The following NLRP7 variants were observed in gnomAD, a reference collection of about 807,000 sequenced individuals.
NLRP7 encodes the protein NLR family pyrin domain containing 7, also known as NACHT, LRR and PYD domains-containing protein 7.
Under a neutral mutation model 85.5 loss-of-function variants are expected in NLRP7, and 72 were observed. The ratio of observed to expected loss-of-function variants is 0.84; its 90% CI spans 0.70 to 1.02. The LOEUF (loss-of-function observed/expected upper bound fraction) is 1.02. NLRP7 is among the 50% of genes least tolerant of loss of function. NLRP7 has a pLI of 0.00. For synonymous variants in NLRP7, 550 were observed against 505.2 expected, an observed-to-expected ratio of 1.09 and a Z score of -1.19; for missense variants, 1,243 against 1,219.5, an observed-to-expected ratio of 1.02 and a Z score of -0.29.
intron 8 of NLRP7, among the ~76,000 whole-genome samples, chr19:54,932,399 G>A (rs2068715738): frequency 6.7e-6 from 1 of 149,650 alleles, no homozygotes; most frequent in Admixed American, 6.8e-5. Context: ...CTGCATTCCA[G>A]TCTGGGCGAC....
intron 5 of NLRP7, 104 bp from the exon 6 acceptor site, chr19:54,936,535 T>C (rs2068937090): frequency 2.8e-6 from 3 of 1,056,466 alleles, no homozygotes; most frequent in Non-Finnish European, 4.3e-6. Context: ...TTATTAGAAG[T>C]TCTTGGCCGG....
chr19:54,938,017 T>C (rs2069014196), intron 5 of NLRP7, 27 bp downstream of exon 5: 1 of 1,573,660 alleles, frequency 6.4e-7, no homozygotes, highest in Non-Finnish European at 8.7e-7. Context: ...GTTCAGGGTC[T>C]TCCTTGCAAG....
At chr19:54,947,382 G>C (rs1203990991) in intron 1 of NLRP7, 87 bp downstream of exon 1, 1 of 1,001,428 alleles carries the variant, frequency 1.0e-6, no homozygotes, top group East Asian at 6.0e-5. Context: ...ATTAAGGCTT[G>C]GGAAGGGCTA....
At chr19:54,928,173 T>C (rs552324887) in intron 9 of NLRP7, among the ~76,000 whole-genome samples, 126 of 152,168 alleles carry the variant, frequency 8.3e-4, no homozygotes, top group Non-Finnish European at 1.5e-3. Context: ...TGAGCCCAGA[T>C]TGCGCCACTG....
At chr19:54,935,206 G>A (rs2068856277) in intron 6 of NLRP7, among the ~76,000 whole-genome samples, 1 of 143,204 alleles carries the variant, frequency 7.0e-6, no homozygotes. Flanking sequence ...AAAACGGCCT[G>A]TGTGGATGAT....
chr19:54,938,841 C>T (rs763136860), intron 4 of NLRP7, 47 bp downstream of exon 4: 82 of 1,604,618 alleles, frequency 5.1e-5, no homozygotes, highest in Middle Eastern at 2.0e-4. Flanking sequence ...GCAAAGGAGA[C>T]GCTGGCCTCT....
upstream of NLRP7, among the ~76,000 whole-genome samples, chr19:54,950,812 G>A (rs899112129): frequency 3.9e-5 from 6 of 152,148 alleles, no homozygotes; most frequent in East Asian, 1.9e-4. Context: ...TTACTAATCC[G>A]CCTCAGCACA....
At chr19:54,928,529 G>A (rs1450080178) in intron 9 of NLRP7, among the ~76,000 whole-genome samples, 1 of 152,136 alleles carries the variant, frequency 6.6e-6, no homozygotes, top group Non-Finnish European at 1.5e-5. Flanking sequence ...ATGTTCTATT[G>A]AAGACAATGG....
intron 9 of NLRP7, among the ~76,000 whole-genome samples, chr19:54,925,850 A>G (rs547276804): frequency 6.6e-6 from 1 of 151,878 alleles, no homozygotes; most frequent in African/African-American, 2.4e-5. Flanking sequence ...AATACAAAAA[A>G]TTAGCCGGGC....
In NLRP7 at chr19:54,935,694, G is replaced by GA. The variant is rs34297504; in HGVS notation, c.2300+566dup. Among the ~76,000 whole-genome samples the GA allele has an allele frequency of 9.4e-3, 995 of 105,972 alleles. 7 individuals carry two copies. Among genetic ancestry groups the GA allele is most frequent in the East Asian group, 0.019 (59 of 3,112 alleles). The allele number at this position is 105,972 out of a possible 152,430, so 69.5% of individuals were successfully genotyped here. A position where few individuals can be genotyped will look rare whatever the true frequency, so the allele number is the denominator to read the frequency against. ...GTGACAAGAATAAAACTGTCTCAAA[G>GA]AAAAAAAAAAAAAAAAAAGATTCTC... On this transcript the variant is annotated intron_variant, in intron 6 of 9. Coordinates refer to ENST00000340844, the Ensembl canonical transcript of NLRP7.
intron 6 of NLRP7, 82 bp downstream of exon 6, chr19:54,936,179 G>T: frequency 8.0e-7 from 1 of 1,252,362 alleles, no homozygotes; most frequent in Non-Finnish European, 1.2e-6. Context: ...CATCTGGAGT[G>T]GTTACCCTTT....
At chr19:54,937,960 G>C in intron 5 of NLRP7, 84 bp downstream of exon 5, 4 of 915,202 alleles carry the variant, frequency 4.4e-6, no homozygotes, top group African/African-American at 1.7e-5. Flanking sequence ...AGATGAAACA[G>C]CACATTTCCA....
exon 2 of NLRP7, chr19:54,941,705 A>G: frequency 6.2e-7 from 1 of 1,612,420 alleles, no homozygotes; most frequent in Middle Eastern, 1.7e-4. Context: ...AGCTGGGGCG[A>G]TGTCATAGTG....
intron 8 of NLRP7, among the ~76,000 whole-genome samples, chr19:54,931,162 G>C (rs909662783): frequency 3.3e-5 from 5 of 152,124 alleles, no homozygotes; most frequent in African/African-American, 4.8e-5. Context: ...AGTGGCTCAC[G>C]CCTATAATCA....
intron 5 of NLRP7, among the ~76,000 whole-genome samples, chr19:54,937,192 TG>T (rs910460139): frequency 1.4e-5 from 2 of 144,946 alleles, no homozygotes; most frequent in African/African-American, 5.2e-5. Context: ...CACTCCAGCC[TG>T]GGGAACATAG....
rs908369985 is a variant in NLRP7, at chr19:54,936,443, C to T, written c.2130-12G>A. On this transcript the variant is annotated splice_polypyrimidine_tract_variant and intron_variant, in intron 5 of 9. Coordinates refer to ENST00000340844, the Ensembl canonical transcript of NLRP7. The stretch of plus-strand genomic sequence containing the variant: ...TGACGTTTTTAATCCTAGGGAAAAG[C>T]AGAAGAGATTCCACTTGGAGTGATT... 2.5e-6 allele frequency: 4 copies of T among 1,610,468 alleles called. No homozygotes were observed. The African/African-American group carries it at 4.0e-5, about 16-fold the overall frequency.
At chr19:54,933,015 T>C (rs2068740958) in intron 8 of NLRP7, among the ~76,000 whole-genome samples, 2 of 152,136 alleles carry the variant, frequency 1.3e-5, no homozygotes, top group Non-Finnish European at 2.9e-5. Flanking sequence ...GTCATAGGAA[T>C]TTGAAAGAAC....
At chr19:54,962,825 T>A (rs2070103766) in intron 1 of NLRP7, among the ~76,000 whole-genome samples, 1 of 149,984 alleles carries the variant, frequency 6.7e-6, no homozygotes, top group Admixed American at 6.7e-5. Context: ...GGTCTCCATC[T>A]CCTGACCTCG....
chr19:54,952,308 C>T (rs988710687), upstream of NLRP7, among the ~76,000 whole-genome samples: 6 of 151,860 alleles, frequency 4.0e-5, no homozygotes, highest in African/African-American at 7.3e-5. Flanking sequence ...AAACCCTAGC[C>T]CCGGCCGGGT....
Sources: gnomAD v4.1 joint callset for allele counts (sites outside exome capture counted in the v4.1 genomes callset) on GRCh38, gnomAD v4.1.1 for gene constraint, MANE v1.5 for transcripts, NCBI Gene and HGNC (gene_info 2026-07-23, HGNC 2026-07-21) for gene names.